PTCHD4: variants seen among roughly 807,000 people sequenced by gnomAD.
The protein encoded by PTCHD4 is patched domain-containing protein 4.
A neutral mutation model predicts 58.1 loss-of-function variants in PTCHD4; 33 were observed. The ratio of observed to expected loss-of-function variants is 0.57; its 90% confidence interval spans 0.43 to 0.76. The LOEUF (loss-of-function observed/expected upper bound fraction) is 0.76, where lower values mean the gene tolerates loss of function less well. Among genes scored for constraint, PTCHD4 ranks in the 30% least tolerant of loss-of-function variants. The pLI, the probability that PTCHD4 is intolerant of heterozygous loss-of-function variation, is 0.00. For synonymous variants in PTCHD4, 478 were observed against 409.6 expected, an observed-to-expected ratio of 1.17 and a Z score of -2.02; for missense variants, 1,058 against 1,027.1, an observed-to-expected ratio of 1.03 and a Z score of -0.41.
chr6:47,872,985 A>C lies in PTCHD4; in HGVS notation c.*5318T>G, dbSNP rs1467720112. ...TGTTCATTATGACTCAAAGACTCAC[A>C]AAATATAGTCAATGAGAGCCACTCT... On this transcript the variant is annotated 3_prime_UTR_variant, in exon 5 of 5. Transcript: ENST00000339488. Among the ~76,000 whole-genome samples the C allele has an allele frequency of 6.6e-6, 1 of 151,734 alleles. No homozygotes were observed. The highest frequency in any genetic ancestry group is 6.6e-5 in the Admixed American group (1 of 15,186).
At chr6:48,033,763 A>G (rs573044830) in intron 3 of PTCHD4, among the ~76,000 whole-genome samples, 17 of 152,110 alleles carry the variant, frequency 1.1e-4, no homozygotes, top group African/African-American at 3.9e-4. Context: ...ACCAACACTG[A>G]GTGTTTTTAC....
intron 4 of PTCHD4, among the ~76,000 whole-genome samples, chr6:47,907,879 C>T (rs1396745767): frequency 6.6e-6 from 1 of 152,110 alleles, no homozygotes; most frequent in Non-Finnish European, 1.5e-5. Context: ...CTGGACTCCC[C>T]TACTTCCACC....
At chr6:47,913,170 C>T (rs1319468276) in intron 4 of PTCHD4, among the ~76,000 whole-genome samples, 3 of 152,070 alleles carry the variant, frequency 2.0e-5, no homozygotes, top group Admixed American at 1.3e-4. Context: ...GCTTTCTATG[C>T]TTCAGTTTTC....
rs1763965473 is a variant in PTCHD4, at chr6:47,879,795, G to T, written c.1040C>A (p.Thr347Asn). ...YTMTSSLYFI[T>N]FGMGASPFTN... ...GAATGGGCTGGCACCCATGCCAAAA[G>T]TGATGAAGTACAGGGAGCTGGTCAT... Residue 347 changes from threonine (T) to asparagine (N), a missense_variant, in exon 5 of 5, where the codon ACT (threonine) becomes AAT (asparagine). Transcript: ENST00000339488. 6.2e-7 allele frequency: 1 copy of T among 1,613,546 alleles called. No individual in the cohort carries two copies. The highest frequency in any genetic ancestry group is 1.3e-5 in the African/African-American group (1 of 74,892).
Position 47,870,142 on chromosome 6 carries a change from T to C in PTCHD4, c.*8161A>G, listed in dbSNP as rs1763676403. 6.6e-6 allele frequency among the ~76,000 whole-genome samples: 1 copy of C among 151,698 alleles called. No individual in the cohort carries two copies. Among genetic ancestry groups the C allele is most frequent in the Non-Finnish European group, 1.5e-5 (1 of 67,742 alleles). On this transcript the variant is annotated 3_prime_UTR_variant, in exon 5 of 5. Transcript: ENST00000339488. ...TTTCTTTTGTTGTTAAAATAAAAAGTTGAGATAGCCAGAAATGCTGTTTAA... is the reference window on the plus strand; with the variant it reads ...TTTCTTTTGTTGTTAAAATAAAAAGCTGAGATAGCCAGAAATGCTGTTTAA...
At chr6:48,036,456 T>A (rs1582056853) in intron 3 of PTCHD4, among the ~76,000 whole-genome samples, 2 of 152,144 alleles carry the variant, frequency 1.3e-5, no homozygotes, top group East Asian at 3.9e-4. Context: ...TTGCAAAACC[T>A]CCTGAGTAGT....
chr6:48,056,849 A>T (rs1318927489), intron 3 of PTCHD4, among the ~76,000 whole-genome samples: 1 of 152,204 alleles, frequency 6.6e-6, no homozygotes, highest in Non-Finnish European at 1.5e-5. Flanking sequence ...GTGACACTGA[A>T]GTCTGTGCTG....
intron 4 of PTCHD4, among the ~76,000 whole-genome samples, chr6:47,985,868 G>A (rs1259967401): frequency 6.6e-6 from 1 of 151,038 alleles, no homozygotes; most frequent in South Asian, 2.1e-4. Context: ...TGACTTGTTT[G>A]GTTTTTCAAC....
intron 4 of PTCHD4, among the ~76,000 whole-genome samples, chr6:47,921,861 A>G (rs1442533797): frequency 6.6e-6 from 1 of 151,862 alleles, no homozygotes; most frequent in Non-Finnish European, 1.5e-5. Flanking sequence ...CTATAATTCC[A>G]GCACTTTGGG....
At chr6:48,023,478 C>T (rs1433430922) in intron 3 of PTCHD4, among the ~76,000 whole-genome samples, 2 of 152,142 alleles carry the variant, frequency 1.3e-5, no homozygotes, top group Non-Finnish European at 2.9e-5. Context: ...CAAGACAATG[C>T]TCATTCTAGC....
rs562798332 is a variant in PTCHD4 at position 47,874,269 on chromosome 6, C to A, written c.*4034G>T. ...TTAAATTGCTTACCTGGGGATGGAA[C>A]TTTCTGTGGACTTTAGGCCCTTAAG... is the stretch of plus-strand genomic sequence containing the variant. On this transcript the variant is annotated 3_prime_UTR_variant, in exon 5 of 5. Transcript: ENST00000339488. Among the ~76,000 whole-genome samples, 171 of 151,774 alleles carry A rather than the reference C, an allele frequency of 1.1e-3. No homozygotes were observed. Among genetic ancestry groups the A allele is most frequent in the African/African-American group, 4.0e-3 (167 of 41,500 alleles).
At chr6:47,894,531 G>A (rs1444951251) in intron 4 of PTCHD4, among the ~76,000 whole-genome samples, 1 of 152,192 alleles carries the variant, frequency 6.6e-6, no homozygotes, top group East Asian at 1.9e-4. Context: ...TTACTGTGTT[G>A]CTGAGAACAG....
chr6:47,961,057 A>G (rs1581937699), intron 4 of PTCHD4, among the ~76,000 whole-genome samples: 1 of 151,640 alleles, frequency 6.6e-6, no homozygotes, highest in Non-Finnish European at 1.5e-5. Context: ...CAGAATTTAC[A>G]GAGAGCACTT....
intron 4 of PTCHD4, among the ~76,000 whole-genome samples, chr6:47,896,678 A>G (rs1442896353): frequency 6.6e-6 from 1 of 152,192 alleles, no homozygotes; most frequent in Non-Finnish European, 1.5e-5. Context: ...TTGATAAAGT[A>G]GGATAGGTAC....
intron 3 of PTCHD4, among the ~76,000 whole-genome samples, chr6:48,051,292 T>G (rs189144378): frequency 6.6e-6 from 1 of 152,108 alleles, no homozygotes; most frequent in East Asian, 1.9e-4. Context: ...AAAACAAAAG[T>G]AGGAATTAAG....
Position 48,001,489 on chromosome 6 carries a change from A to G in PTCHD4, c.898+7145T>C, listed in dbSNP as rs374780782. Among the ~76,000 whole-genome samples, 182 of 152,364 alleles carry G rather than the reference A, an allele frequency of 1.2e-3. 2 individuals carry two copies. The South Asian group carries it at 0.035, about 30-fold the overall frequency. On this transcript the variant is annotated intron_variant, in intron 4 of 4. Transcript: ENST00000339488. ...AACCATCTGATCTTTGACAAACGTG[A>G]CAAAAACAAGAACTGGGGAAAGGAT...
intron 1 of PTCHD4, among the ~76,000 whole-genome samples, chr6:48,088,842 G>A (rs1765310487): frequency 4.6e-5 from 7 of 152,174 alleles, no homozygotes; most frequent in South Asian, 2.1e-4. Flanking sequence ...TCAGGAGTTC[G>A]AGACCAGCCT....
At chr6:48,087,882 A>G (rs1333947400) in intron 1 of PTCHD4, among the ~76,000 whole-genome samples, 2 of 152,218 alleles carry the variant, frequency 1.3e-5, no homozygotes, top group African/African-American at 4.8e-5. Context: ...TGGAACAATT[A>G]TATGGTGGTC....
chr6:48,088,864 T>C (rs1215593911), intron 1 of PTCHD4, among the ~76,000 whole-genome samples: 2 of 152,012 alleles, frequency 1.3e-5, no homozygotes, highest in Non-Finnish European at 2.9e-5. Flanking sequence ...GCCAACCTGG[T>C]AAAACCCTGT....
Sources: allele counts gnomAD v4.1 joint callset (sites outside exome capture counted in the v4.1 genomes callset), GRCh38; gene constraint gnomAD v4.1.1; transcripts MANE v1.5; gene names NCBI Gene and HGNC (gene_info 2026-07-23, HGNC 2026-07-21).